Variants in YY1AP1 observed in about 807,000 individuals in gnomAD.
YY1AP1 encodes YY1-associated protein 1.
In YY1AP1, 43 loss-of-function variants were observed where a neutral mutation model predicts 39.9. The ratio of observed to expected loss-of-function variants is 1.08; its 90% CI spans 0.84 to 1.39. The LOEUF is 1.39. YY1AP1 is among the 40% of genes most tolerant of loss of function. The pLI is 0.00. For missense variants in YY1AP1, 813 were observed against 900.7 expected (o/e 0.90, Z 1.25); for synonymous variants, 292 against 331.3 (o/e 0.88, Z 1.29).
At chr1:155,667,236 C>T (rs114771666) in intron 9 of YY1AP1, among the ~76,000 whole-genome samples, 12 of 152,062 alleles carry the variant, frequency 7.9e-5, no homozygotes, top group African/African-American at 9.7e-5. Flanking sequence ...TCATGGCTCA[C>T]GCCTGTAATC....
chr1:155,688,934 C>T (rs760613801), upstream of YY1AP1: 1 of 1,612,932 alleles, frequency 6.2e-7, no homozygotes, highest in South Asian at 1.1e-5. Context: ...ACCTACCTCC[C>T]TGGGTTCGTC....
intron 2 of YY1AP1, among the ~76,000 whole-genome samples, chr1:155,686,591 T>TATAA (rs969638953): frequency 4.6e-5 from 7 of 152,142 alleles, no homozygotes; most frequent in Non-Finnish European, 8.8e-5. Flanking sequence ...ATTGAATGGT[T>TATAA]ATATTTGTTG....
intron 9 of YY1AP1, among the ~76,000 whole-genome samples, chr1:155,665,814 T>C (rs954632319): frequency 1.5e-5 from 2 of 131,614 alleles, no homozygotes; most frequent in African/African-American, 5.8e-5. Flanking sequence ...AAAAAAGTAA[T>C]GCAAAAGCAA....
intron 2 of YY1AP1, 49 bp downstream of exon 2, chr1:155,688,022 G>C: frequency 2.0e-6 from 3 of 1,518,156 alleles, no homozygotes; most frequent in Non-Finnish European, 2.7e-6. Context: ...GGATTCAATC[G>C]CTGAGAGAGT....
rs535995489 is a variant in YY1AP1, at chr1:155,688,221, G to A, written c.-151-20C>T. On this transcript the variant is annotated intron_variant, in intron 1 of 10. Coordinates refer to ENST00000355499, the MANE Select transcript of YY1AP1 (RefSeq NM_139119.3). ...AGCCGACTGGCGGAAATGCGAGAGA[G>A]GAGAAGGGAAAGGTGGAGGGCTAAA... 12 of 1,613,494 alleles carry A rather than the reference G, an allele frequency of 7.4e-6. No individual in the cohort carries two copies. The East Asian group carries it at 2.5e-4, about 33-fold the overall frequency.
intron 6 of YY1AP1, among the ~76,000 whole-genome samples, chr1:155,674,213 C>G (rs1650297400): frequency 6.9e-6 from 1 of 144,092 alleles, no homozygotes. Context: ...ACGTCATGAG[C>G]AAAACTAGCT....
In YY1AP1 at chr1:155,676,664, G is replaced by C. The variant is rs752434467; in HGVS notation, c.208C>G (p.Pro70Ala). Residue 70 changes from proline to alanine, a missense_variant, in exon 5 of 11, where the codon CCT becomes GCT. Transcript: ENST00000355499. The stretch of plus-strand genomic sequence containing the variant: ...ACCTCCTTCTGCTGTTTGGCTGAAG[G>C]TTTCTTCATCTTCAGCTGTTCAAAT... ...ELFEQLKMKK[P>A]SAKQQKEVEK... The C allele has an allele frequency of 1.2e-5, 20 of 1,614,010 alleles. No homozygotes were observed. In the South Asian group the frequency reaches 2.1e-4, roughly 17 times the overall value.
At chr1:155,669,168 T>C (rs1375512321) in intron 8 of YY1AP1, among the ~76,000 whole-genome samples, 1 of 152,212 alleles carries the variant, frequency 6.6e-6, no homozygotes, top group Non-Finnish European at 1.5e-5. Flanking sequence ...TGAGTATCTG[T>C]GGCTATAAAC....
chr1:155,661,157 G>A, intron 10 of YY1AP1, 150 bp downstream of exon 10: 1 of 1,577,986 alleles, frequency 6.3e-7, no homozygotes. Flanking sequence ...GAGAAGGGCA[G>A]AAAAGTAAGG....
At chr1:155,678,617 G>T (rs1651064599) in intron 4 of YY1AP1, among the ~76,000 whole-genome samples, 1 of 152,278 alleles carries the variant, frequency 6.6e-6, no homozygotes, top group African/African-American at 2.4e-5. Flanking sequence ...AATGGAGAAT[G>T]ACTAGTAGTT....
intron 2 of YY1AP1, 94 bp downstream of exon 2, chr1:155,687,977 G>C: frequency 1.5e-6 from 2 of 1,367,962 alleles, no homozygotes. Flanking sequence ...CAGAGGTCCA[G>C]GTCCGGGAGA....
intron 2 of YY1AP1, among the ~76,000 whole-genome samples, chr1:155,684,029 C>A (rs1263318716): frequency 6.6e-6 from 1 of 152,204 alleles, no homozygotes; most frequent in African/African-American, 2.4e-5. Flanking sequence ...GGCTGGAGAA[C>A]TTGAGGTTAG....
rs745580062 is a variant in YY1AP1 at position 155,660,911 on chromosome 1, G to A, written c.999C>T (p.Ala333=). The change falls in exon 11 of 11, where the codon GCC becomes GCT. Residue 333 remains alanine (A), a splice_region_variant and synonymous_variant. Coordinates refer to ENST00000355499, the MANE Select transcript of YY1AP1 (RefSeq NM_139119.3). The stretch of plus-strand genomic sequence containing the variant: ...GTTCTTCCTGGATGGATGGCAGACT[G>A]GCCTATTGGAAATGAGAACACTCTG... ...EEHRLPFWLK[A]SLPSIQEELR... is the part of the protein sequence containing the mutation. 1 of 1,614,092 alleles carries A rather than the reference G, an allele frequency of 6.2e-7. No individual in the cohort carries two copies. The highest frequency in any genetic ancestry group is 2.2e-5 in the East Asian group (1 of 44,890).
At chr1:155,676,017 A>G (rs1272390182) in intron 5 of YY1AP1, among the ~76,000 whole-genome samples, 1 of 152,080 alleles carries the variant, frequency 6.6e-6, no homozygotes, top group Non-Finnish European at 1.5e-5. Flanking sequence ...AGGTTAGGAG[A>G]TCGAGACCAT....
At chr1:155,679,648 T>C in intron 3 of YY1AP1, 136 bp from the exon 4 acceptor site, 3 of 1,536,664 alleles carry the variant, frequency 2.0e-6, no homozygotes, top group South Asian at 2.4e-5. Context: ...CATCAGAACC[T>C]TTCTCACTTC....
rs1308111752 is a variant in YY1AP1 at position 155,659,726 on chromosome 1, AG to A, written c.2183del (p.Pro728LeufsTer4). 1 of 1,614,080 alleles carries A rather than the reference AG, an allele frequency of 6.2e-7. No homozygotes were observed. Among genetic ancestry groups the A allele is most frequent in the Non-Finnish European group, 8.5e-7 (1 of 1,180,038 alleles). On this transcript the variant is annotated frameshift_variant, in exon 11 of 11. Coordinates refer to ENST00000355499, the MANE Select transcript of YY1AP1 (RefSeq NM_139119.3). LOFTEE classifies it low-confidence loss of function (END_TRUNC). ...GIQESLNNSSPGDLEEVVKME... is the reference protein window; with the variant it reads ...GIQESLNNSSXGDLEEVVKME... The stretch of plus-strand genomic sequence containing the variant: ...TCTTGACAACTTCCTCTAAATCCCC[AG>A]GGGAAGAGTTGTTTAGAGACTCCTG...
chr1:155,676,948 C>T (rs1014476441), intron 4 of YY1AP1, among the ~76,000 whole-genome samples: 4 of 152,194 alleles, frequency 2.6e-5, no homozygotes, highest in African/African-American at 7.2e-5. Context: ...TTCTGTATTA[C>T]ACCCCATCCC....
intron 5 of YY1AP1, among the ~76,000 whole-genome samples, chr1:155,675,588 T>C (rs1650528636): frequency 6.6e-6 from 1 of 152,052 alleles, no homozygotes. Context: ...CCTCCCAAAG[T>C]GCTGGGATTA....
At chr1:155,661,878 G>T (rs1055396307) in intron 9 of YY1AP1, among the ~76,000 whole-genome samples, 2 of 151,968 alleles carry the variant, frequency 1.3e-5, no homozygotes, top group Admixed American at 1.3e-4. Context: ...GGATGGTCTC[G>T]ATCTCCTGAC....
Sources: allele counts gnomAD v4.1 joint callset (sites outside exome capture counted in the v4.1 genomes callset), GRCh38; gene constraint gnomAD v4.1.1; transcripts MANE v1.5; gene names NCBI Gene and HGNC (gene_info 2026-07-23, HGNC 2026-07-21).